The following ARID4B variants were observed in gnomAD, a reference collection of about 807,000 sequenced individuals.
ARID4B encodes the protein AT-rich interaction domain 4B.
Under a neutral mutation model 147.5 loss-of-function variants are expected in ARID4B, and 26 were observed. The observed-to-expected ratio is 0.18, with a 90% CI of 0.13 to 0.24. ARID4B has a LOEUF of 0.24. Ranked by LOEUF, ARID4B falls within the 10% of genes least tolerant of loss-of-function variation. ARID4B has a pLI of 1.00. For missense variants in ARID4B, 1,179 were observed against 1,511.5 expected (o/e 0.78, Z 3.65); for synonymous variants, 512 against 507.9 (o/e 1.01, Z -0.11).
intron 2 of ARID4B, among the ~76,000 whole-genome samples, chr1:235,284,591 C>T (rs187512797): frequency 1.6e-4 from 25 of 152,242 alleles, no homozygotes; most frequent in Admixed American, 4.6e-4. Flanking sequence ...GGAAAGCTAA[C>T]GTGAGAGGAT....
At chr1:235,189,061 A>G (rs1301582195) in intron 19 of ARID4B, among the ~76,000 whole-genome samples, 1 of 152,214 alleles carries the variant, frequency 6.6e-6, no homozygotes, top group Non-Finnish European at 1.5e-5. Context: ...TACAAAACAC[A>G]CAGAAAACAG....
intron 2 of ARID4B, among the ~76,000 whole-genome samples, chr1:235,268,830 T>TG (rs1670782202): frequency 6.6e-6 from 1 of 152,040 alleles, no homozygotes; most frequent in African/African-American, 2.4e-5. Context: ...CTTAGAAAAA[T>TG]GGTTGATTTC....
chr1:235,255,285 C>CTA (rs1338944598), intron 5 of ARID4B, among the ~76,000 whole-genome samples: 2,089 of 96,986 alleles, frequency 0.022, 26 homozygotes, highest in East Asian at 0.032. Context: ...CTCTCTCTCT[C>CTA]TCTATATATA....
intron 16 of ARID4B, among the ~76,000 whole-genome samples, chr1:235,217,317 C>A (rs976663966): frequency 6.6e-6 from 1 of 152,012 alleles, no homozygotes; most frequent in Admixed American, 6.6e-5. Context: ...CCAGATGGAA[C>A]ACAGAATGCC....
intron 2 of ARID4B, among the ~76,000 whole-genome samples, chr1:235,322,297 G>A (rs1674897976): frequency 6.6e-6 from 1 of 152,098 alleles, no homozygotes; most frequent in Non-Finnish European, 1.5e-5. Flanking sequence ...TGGGATTACA[G>A]GTGTGAGACA....
intron 2 of ARID4B, among the ~76,000 whole-genome samples, chr1:235,305,469 T>C (rs146005197): frequency 1.2e-4 from 18 of 152,158 alleles, no homozygotes; most frequent in Non-Finnish European, 2.5e-4. Context: ...AGTAAAGATA[T>C]ATATTAAAGA....
intron 2 of ARID4B, among the ~76,000 whole-genome samples, chr1:235,265,259 G>A (rs191096072): frequency 1.3e-5 from 2 of 151,668 alleles, no homozygotes; most frequent in South Asian, 2.1e-4. Context: ...CCAGCTACTC[G>A]GGAGGCTAAA....
chr1:235,217,169 G>A (rs1667145539), intron 16 of ARID4B, among the ~76,000 whole-genome samples: 1 of 151,890 alleles, frequency 6.6e-6, no homozygotes, highest in Non-Finnish European at 1.5e-5. Context: ...ATCACCCTCA[G>A]ACACAAACCA....
In ARID4B at chr1:235,271,056, A is replaced by T. The variant is rs550307212; in HGVS notation, c.7-10304T>A. ...GAGAACATTTAAAAGAGTTTGATTT[A>T]AAAAAAAAAATCCTTAAAATCCCTA... On this transcript the variant is annotated intron_variant, in intron 2 of 23. Transcript: ENST00000264183. Among the ~76,000 whole-genome samples, 177 of 147,086 alleles carry T rather than the reference A, an allele frequency of 1.2e-3. 2 individuals carry two copies. The highest frequency in any genetic ancestry group is 4.2e-3 in the South Asian group (19 of 4,558).
intron 17 of ARID4B, among the ~76,000 whole-genome samples, chr1:235,198,350 A>G (rs1665643666): frequency 6.6e-6 from 1 of 152,192 alleles, no homozygotes; most frequent in Non-Finnish European, 1.5e-5. Context: ...CATGCATGAT[A>G]TTGCACATTT....
chr1:235,196,853 CAAA>C (rs34581094), intron 17 of ARID4B, among the ~76,000 whole-genome samples: 1 of 88,570 alleles, frequency 1.1e-5, no homozygotes. Context: ...CTCTGTTTCA[CAAA>C]AAAAAAAAAA....
At chr1:235,277,088 A>AC (rs1453752695) in intron 2 of ARID4B, among the ~76,000 whole-genome samples, 4 of 152,086 alleles carry the variant, frequency 2.6e-5, no homozygotes, top group Non-Finnish European at 5.9e-5. Flanking sequence ...TCTATAAAAA[A>AC]TAAAAAAATT....
At chr1:235,291,257 A>G (rs1382320835) in intron 2 of ARID4B, among the ~76,000 whole-genome samples, 2 of 151,896 alleles carry the variant, frequency 1.3e-5, no homozygotes, top group African/African-American at 4.8e-5. Flanking sequence ...TTAAAAATAA[A>G]TTAGCTGGGC....
intron 2 of ARID4B, among the ~76,000 whole-genome samples, chr1:235,316,936 T>C (rs1674484014): frequency 6.6e-6 from 1 of 152,178 alleles, no homozygotes; most frequent in Non-Finnish European, 1.5e-5. Context: ...CAAAGGGAAA[T>C]GCTCACTGGA....
chr1:235,227,609 C>A (rs1667908248), intron 11 of ARID4B, among the ~76,000 whole-genome samples: 1 of 152,108 alleles, frequency 6.6e-6, no homozygotes. Context: ...ACTATCTGCA[C>A]CACTCATTAA....
chr1:235,214,871 T>A (rs892052100), intron 16 of ARID4B, among the ~76,000 whole-genome samples: 1 of 132,980 alleles, frequency 7.5e-6, no homozygotes. Flanking sequence ...AGATTTTCAC[T>A]CCTGTCGCCC....
chr1:235,297,315 T>A (rs1672809809), intron 2 of ARID4B, among the ~76,000 whole-genome samples: 1 of 152,150 alleles, frequency 6.6e-6, no homozygotes, highest in African/African-American at 2.4e-5. Context: ...AAAAATTTAC[T>A]GGTCGTTTTA....
chr1:235,313,876 GAAGGA>G (rs371909516), intron 2 of ARID4B, among the ~76,000 whole-genome samples: 26 of 152,274 alleles, frequency 1.7e-4, no homozygotes, highest in African/African-American at 6.0e-4. Context: ...AAGGATTTCA[GAAGGA>G]AAGAATAACA....
At chr1:235,174,622 G>T in intron 22 of ARID4B, among the ~76,000 whole-genome samples, 1 of 151,726 alleles carries the variant, frequency 6.6e-6, no homozygotes, top group Admixed American at 6.6e-5. Flanking sequence ...CCAACATGGT[G>T]AAACCCCATG....
Sources: allele counts gnomAD v4.1 joint callset (sites outside exome capture counted in the v4.1 genomes callset), GRCh38; gene constraint gnomAD v4.1.1; transcripts MANE v1.5; gene names NCBI Gene and HGNC (gene_info 2026-07-23, HGNC 2026-07-21).